Variants in ZMAT4 observed in about 807,000 individuals in gnomAD.
ZMAT4 encodes the protein zinc finger matrin-type protein 4.
Under a neutral mutation model 28.7 loss-of-function variants are expected in ZMAT4, and 17 were observed. The observed-to-expected ratio is 0.59, with a 90% CI of 0.41 to 0.89. The LOEUF (loss-of-function observed/expected upper bound fraction) is 0.89, where lower values mean the gene tolerates loss of function less well. ZMAT4 is among the 40% of genes least tolerant of loss of function. ZMAT4 has a pLI of 0.00. For synonymous variants in ZMAT4, 117 were observed against 109.2 expected (o/e 1.07, Z -0.44); for missense variants, 240 against 283.8 (o/e 0.85, Z 1.11).
At chr8:40,791,993 T>G (rs186200255) in intron 2 of ZMAT4, among the ~76,000 whole-genome samples, 156 of 152,310 alleles carry the variant, frequency 1.0e-3, no homozygotes, top group Non-Finnish European at 1.1e-3. Context: ...ACCCACAGCA[T>G]GCAATGAGTT....
intron 2 of ZMAT4, among the ~76,000 whole-genome samples, chr8:40,822,978 A>G (rs1256346917): frequency 6.6e-6 from 1 of 152,204 alleles, no homozygotes; most frequent in African/African-American, 2.4e-5. Context: ...TAACAGGAAA[A>G]CGTGCAAAAT....
At chr8:40,848,245 A>G (rs909373623) in intron 1 of ZMAT4, among the ~76,000 whole-genome samples, 2 of 152,226 alleles carry the variant, frequency 1.3e-5, no homozygotes, top group South Asian at 2.1e-4. Context: ...ACACCAGCCC[A>G]TAAGAAAGAA....
chr8:40,564,435 C>G (rs142784483), intron 6 of ZMAT4, among the ~76,000 whole-genome samples: 129 of 152,298 alleles, frequency 8.5e-4, no homozygotes, highest in African/African-American at 3.1e-3. Context: ...ATTTCAGTCT[C>G]GGGCCACCCC....
chr8:40,625,495 G>A (rs188157745), intron 5 of ZMAT4, among the ~76,000 whole-genome samples: 28 of 152,186 alleles, frequency 1.8e-4, no homozygotes, highest in Non-Finnish European at 3.2e-4. Context: ...GTGAAAAATG[G>A]CCAAATTGTG....
At chr8:40,634,144 G>A (rs77938302) in intron 5 of ZMAT4, among the ~76,000 whole-genome samples, 1 of 152,192 alleles carries the variant, frequency 6.6e-6, no homozygotes, top group Admixed American at 6.5e-5. Context: ...TTAAAAAAAA[G>A]TTATGGAGAG....
At chr8:40,799,687 T>C (rs911856126) in intron 2 of ZMAT4, among the ~76,000 whole-genome samples, 1 of 152,208 alleles carries the variant, frequency 6.6e-6, no homozygotes, top group Non-Finnish European at 1.5e-5. Flanking sequence ...TTTTTTCTAA[T>C]TGATCTAACA....
intron 4 of ZMAT4, among the ~76,000 whole-genome samples, chr8:40,696,434 A>G (rs1585893730): frequency 6.6e-6 from 1 of 152,230 alleles, no homozygotes; most frequent in South Asian, 2.1e-4. Context: ...GCATGGAAAG[A>G]GTAGGCACCA....
intron 5 of ZMAT4, among the ~76,000 whole-genome samples, chr8:40,633,415 G>C (rs1241870073): frequency 6.6e-6 from 1 of 152,200 alleles, no homozygotes; most frequent in African/African-American, 2.4e-5. Context: ...GAGAGGATAT[G>C]ATGTAGGGAA....
chr8:40,834,558 C>G (rs1247789003), intron 1 of ZMAT4, among the ~76,000 whole-genome samples: 2 of 152,138 alleles, frequency 1.3e-5, no homozygotes, highest in Non-Finnish European at 2.9e-5. Flanking sequence ...TACTATACGG[C>G]TGGTGCTGCT....
chr8:40,700,341 T>A (rs1476662846), intron 3 of ZMAT4, among the ~76,000 whole-genome samples: 1 of 151,032 alleles, frequency 6.6e-6, no homozygotes, highest in South Asian at 2.1e-4. Context: ...AATCACTTCG[T>A]GTCTAATTCA....
chr8:40,786,691 G>A, intron 2 of ZMAT4: 1 of 1,288,554 alleles, frequency 7.8e-7, no homozygotes, highest in East Asian at 5.6e-5. Context: ...CAACTTACGG[G>A]TCAGAATTCA....
At chr8:40,541,937 G>T (rs1252147632) in intron 6 of ZMAT4, among the ~76,000 whole-genome samples, 2 of 152,322 alleles carry the variant, frequency 1.3e-5, no homozygotes, top group African/African-American at 4.8e-5. Flanking sequence ...CTATGTTCAG[G>T]TCAGCCACTG....
At chr8:40,722,804 G>T (rs1811157626) in intron 3 of ZMAT4, among the ~76,000 whole-genome samples, 3 of 152,238 alleles carry the variant, frequency 2.0e-5, no homozygotes, top group African/African-American at 7.2e-5. Context: ...AGGAGACAGA[G>T]GTGGAATCAG....
chr8:40,747,193 A>G (rs1225976998), intron 3 of ZMAT4, among the ~76,000 whole-genome samples: 2 of 152,216 alleles, frequency 1.3e-5, no homozygotes, highest in Non-Finnish European at 2.9e-5. Flanking sequence ...CAATCCACTG[A>G]TCCGTTTGGT....
chr8:40,617,980 A>T (rs572109925), intron 5 of ZMAT4, among the ~76,000 whole-genome samples: 1 of 152,362 alleles, frequency 6.6e-6, no homozygotes, highest in East Asian at 1.9e-4. Context: ...CACAGCACAG[A>T]TCGGACCACT....
At chr8:40,798,781 C>T (rs1053753316) in intron 2 of ZMAT4, among the ~76,000 whole-genome samples, 1 of 152,208 alleles carries the variant, frequency 6.6e-6, no homozygotes, top group African/African-American at 2.4e-5. Context: ...CGACCTAGAT[C>T]GACACAGGGT....
At chr8:40,625,885 G>T (rs200848562) in intron 5 of ZMAT4, among the ~76,000 whole-genome samples, 1 of 152,156 alleles carries the variant, frequency 6.6e-6, no homozygotes, top group Non-Finnish European at 1.5e-5. Flanking sequence ...GCCAAGGCAG[G>T]TGGATCACCT....
At chr8:40,790,471 G>C (rs1814275316) in intron 2 of ZMAT4, among the ~76,000 whole-genome samples, 1 of 152,098 alleles carries the variant, frequency 6.6e-6, no homozygotes, top group African/African-American at 2.4e-5. Context: ...GAATGCAGTG[G>C]TGTGATCATA....
intron 4 of ZMAT4, among the ~76,000 whole-genome samples, chr8:40,694,526 T>G (rs754969360): frequency 2.0e-5 from 3 of 152,156 alleles, no homozygotes; most frequent in Non-Finnish European, 2.9e-5. Flanking sequence ...ACCGGCACAC[T>G]GCTGGTTCAT....
Sources: gnomAD v4.1 joint callset for allele counts (sites outside exome capture counted in the v4.1 genomes callset) on GRCh38, gnomAD v4.1.1 for gene constraint, MANE v1.5 for transcripts, NCBI Gene and HGNC (gene_info 2026-07-23, HGNC 2026-07-21) for gene names.